The following MAP4K4 variants were observed in gnomAD, a reference collection of about 807,000 sequenced individuals.
MAP4K4 encodes mitogen-activated protein kinase kinase kinase kinase 4.
MAP4K4 carries 38 observed loss-of-function variants against 189.6 expected under a neutral mutation model. That is an observed-to-expected ratio of 0.20 (90% confidence interval 0.15 to 0.26). MAP4K4 has a LOEUF of 0.26. MAP4K4 is among the 10% of genes least tolerant of loss of function. The pLI is 1.00. For missense variants in MAP4K4, 1,054 were observed against 1,726.9 expected, an observed-to-expected ratio of 0.61 and a Z score of 6.91; for synonymous variants, 610 against 624.3, an observed-to-expected ratio of 0.98 and a Z score of 0.34.
Position 101,866,599 on chromosome 2 carries a change from CT to C in MAP4K4, c.2356+25del. The C allele has an allele frequency of 6.2e-7, 1 of 1,604,648 alleles. No homozygotes were observed. Among genetic ancestry groups the C allele is most frequent in the African/African-American group, 1.3e-5 (1 of 74,744 alleles). On this transcript the variant is annotated intron_variant, in intron 19 of 32. Transcript: ENST00000324219. ...TGAGATGTAAGCTGCCTTTCCTTTC[CT>C]TTTTCCCTGCTAATGTTTTGAGCTG... is the stretch of plus-strand genomic sequence containing the variant.
At chr2:101,831,992 A>G (rs986133485) in intron 7 of MAP4K4, 141 bp downstream of exon 7, 5 of 913,692 alleles carry the variant, frequency 5.5e-6, no homozygotes, top group Middle Eastern at 3.2e-4. Flanking sequence ...TGCAGGTGCA[A>G]ATTTTCCAGG....
chr2:101,834,044 G>A (rs1210018569), intron 7 of MAP4K4, among the ~76,000 whole-genome samples: 2 of 152,164 alleles, frequency 1.3e-5, no homozygotes, highest in African/African-American at 4.8e-5. Context: ...AAGAAATGAA[G>A]AAACATACAG....
intron 2 of MAP4K4, among the ~76,000 whole-genome samples, chr2:101,766,631 A>T (rs13003883): frequency 0.53 from 80,060 of 150,606 alleles, 23,646 homozygotes; most frequent in East Asian, 0.71. Flanking sequence ...TTTTCATTTC[A>T]AAGTTTTCTT....
At chr2:101,720,587 A>T (rs1394972331) in intron 2 of MAP4K4, among the ~76,000 whole-genome samples, 1 of 152,186 alleles carries the variant, frequency 6.6e-6, no homozygotes, top group African/African-American at 2.4e-5. Context: ...ATGGACCTTC[A>T]TATTTTTGCC....
rs1559013874 is a variant in MAP4K4 at position 101,704,563 on chromosome 2, A to ATTTT, written c.123+6026_123+6027insTTTT. 2.0e-3 allele frequency among the ~76,000 whole-genome samples: 93 copies of ATTTT among 47,204 alleles called. 2 individuals are homozygous for ATTTT. Among genetic ancestry groups the ATTTT allele is most frequent in the African/African-American group, 4.3e-3 (27 of 6,264 alleles). 31.0% of individuals were successfully genotyped at this position (47,204 alleles called of 152,430 possible). On this transcript the variant is annotated intron_variant, in intron 2 of 32. Coordinates refer to ENST00000324219, the Ensembl canonical transcript of MAP4K4. ...TGTGTATATATATATATATATATAT[A>ATTTT]TATATTTTTTTTTTTTTTTTTTTTT...
At chr2:101,749,175 G>A (rs1265333632) in intron 2 of MAP4K4, among the ~76,000 whole-genome samples, 1 of 151,194 alleles carries the variant, frequency 6.6e-6, no homozygotes, top group Non-Finnish European at 1.5e-5. Context: ...AGTTCATATG[G>A]AACCAAAAAA....
At chr2:101,856,101 G>T in exon 13 of MAP4K4, 1 of 1,551,034 alleles carries the variant, frequency 6.4e-7, no homozygotes, top group Non-Finnish European at 8.7e-7. Context: ...GAGAGGAGAC[G>T]GGCAGAAGAA....
intron 3 of MAP4K4, among the ~76,000 whole-genome samples, chr2:101,800,805 T>C (rs1453207629): frequency 6.6e-6 from 1 of 152,178 alleles, no homozygotes; most frequent in Non-Finnish European, 1.5e-5. Flanking sequence ...AATAGAAAGA[T>C]TAATTATGCT....
Position 101,829,625 on chromosome 2 carries a change from A to G in MAP4K4, c.508+31A>G, listed in dbSNP as rs139799818. On this transcript the variant is annotated intron_variant, in intron 6 of 32. Coordinates refer to ENST00000324219, the Ensembl canonical transcript of MAP4K4. ...TAATGGATGTGCGGCGTGATCTCAT[A>G]ATTGCACCTGGCACAAGCCAGCTGC... 1,056 of 1,506,618 alleles carry G rather than the reference A, an allele frequency of 7.0e-4. 7 individuals are homozygous for G. The African/African-American group carries it at 0.013, about 18-fold the overall frequency. 93.3% of individuals were successfully genotyped at this position (1,506,618 alleles called of 1,614,324 possible).
intron 2 of MAP4K4, among the ~76,000 whole-genome samples, chr2:101,721,649 C>G (rs1028759980): frequency 1.3e-5 from 2 of 152,088 alleles, no homozygotes; most frequent in African/African-American, 2.4e-5. Context: ...ATTGGTTAGG[C>G]TGGTCTTGAA....
At chr2:101,809,146 C>CT (rs2095247911) in intron 3 of MAP4K4, among the ~76,000 whole-genome samples, 1 of 152,098 alleles carries the variant, frequency 6.6e-6, no homozygotes, top group South Asian at 2.1e-4. Context: ...CTTCATGTAA[C>CT]TTTTTTCTAG....
intron 2 of MAP4K4, among the ~76,000 whole-genome samples, chr2:101,761,569 T>A (rs1173906178): frequency 2.0e-5 from 3 of 149,334 alleles, no homozygotes; most frequent in Admixed American, 6.6e-5. Flanking sequence ...TTTTTTTTTC[T>A]TTTGAGACGA....
chr2:101,800,586 CAT>C (rs1233454547), intron 3 of MAP4K4, among the ~76,000 whole-genome samples: 1 of 152,134 alleles, frequency 6.6e-6, no homozygotes, highest in Non-Finnish European at 1.5e-5. Flanking sequence ...AGAAAAGTAT[CAT>C]ATTCATTCTT....
chr2:101,841,656 A>T (rs1406001668), intron 10 of MAP4K4, among the ~76,000 whole-genome samples: 2 of 151,950 alleles, frequency 1.3e-5, no homozygotes, highest in Non-Finnish European at 2.9e-5. Context: ...TTTAATAGAG[A>T]CAGGCTTTCA....
intron 2 of MAP4K4, among the ~76,000 whole-genome samples, chr2:101,716,693 C>T (rs1162857132): frequency 1.3e-5 from 2 of 152,070 alleles, no homozygotes; most frequent in Admixed American, 1.3e-4. Context: ...GTAATTTGGA[C>T]TGGGGCATAC....
intron 3 of MAP4K4, among the ~76,000 whole-genome samples, chr2:101,793,549 G>A (rs1158966379): frequency 6.7e-6 from 1 of 150,120 alleles, no homozygotes; most frequent in Non-Finnish European, 1.5e-5. Context: ...TTCTCTTGAT[G>A]AGAACAGGAC....
In MAP4K4 at chr2:101,851,724, CTTTTTTTTTTTTTTT is replaced by C. The variant is rs36217584; in HGVS notation, c.1234-4235_1234-4221del. Among the ~76,000 whole-genome samples, 218 of 67,906 alleles carry C rather than the reference CTTTTTTTTTTTTTTT, an allele frequency of 3.2e-3. 1 individual carries two copies. Among genetic ancestry groups the C allele is most frequent in the African/African-American group, 7.5e-3 (198 of 26,322 alleles). 44.5% of individuals were successfully genotyped at this position (67,906 alleles called of 152,430 possible). A position where few individuals can be genotyped will look rare whatever the true frequency, so the allele number is the denominator to read the frequency against. ...TGGAAGAGAAGTTGGTAACTGTCCT[CTTTTTTTTTTTTTTT>C]TTTTTTTTTTTTTTTTTGCCTTAGC... On this transcript the variant is annotated intron_variant, in intron 12 of 32. Coordinates refer to ENST00000324219, the Ensembl canonical transcript of MAP4K4.
At chr2:101,851,119 C>T (rs2097268395) in intron 12 of MAP4K4, among the ~76,000 whole-genome samples, 2 of 152,146 alleles carry the variant, frequency 1.3e-5, no homozygotes, top group South Asian at 4.1e-4. Flanking sequence ...CTTTTAAATA[C>T]CAAACTAGAA....
intron 12 of MAP4K4, among the ~76,000 whole-genome samples, chr2:101,848,061 G>A (rs1208440482): frequency 6.6e-6 from 1 of 152,200 alleles, no homozygotes; most frequent in Admixed American, 6.5e-5. Context: ...TATGGCCTAG[G>A]TGTGTAATAG....
Sources: allele counts gnomAD v4.1 joint callset (sites outside exome capture counted in the v4.1 genomes callset), GRCh38; gene constraint gnomAD v4.1.1; transcripts MANE v1.5; gene names NCBI Gene and HGNC (gene_info 2026-07-23, HGNC 2026-07-21).